The following SLC9A2 variants were observed in gnomAD, a reference collection of about 807,000 sequenced individuals.
The protein encoded by SLC9A2 is sodium/hydrogen exchanger 2.
Under a neutral mutation model 71.7 loss-of-function variants are expected in SLC9A2, and 42 were observed. The observed-to-expected ratio is 0.59, with a 90% CI of 0.46 to 0.76. SLC9A2 has a LOEUF of 0.76. SLC9A2 is among the 30% of genes least tolerant of loss of function. The pLI, the probability that SLC9A2 is intolerant of heterozygous loss-of-function variation, is 0.00. For synonymous variants in SLC9A2, 396 were observed against 392.5 expected, an observed-to-expected ratio of 1.01 and a Z score of -0.10; for missense variants, 829 against 1,017.4, an observed-to-expected ratio of 0.81 and a Z score of 2.52.
chr2:102,660,868 T>C (rs1677035470), intron 2 of SLC9A2, among the ~76,000 whole-genome samples: 1 of 152,194 alleles, frequency 6.6e-6, no homozygotes, highest in South Asian at 2.1e-4. Context: ...GAATAGAGGT[T>C]AATCGGAGAA....
intron 3 of SLC9A2, among the ~76,000 whole-genome samples, chr2:102,681,537 C>T (rs887041656): frequency 6.6e-6 from 1 of 152,222 alleles, no homozygotes; most frequent in African/African-American, 2.4e-5. Flanking sequence ...GTTTAACTGA[C>T]ATAATCCATT....
rs368881882 is a variant in SLC9A2 at position 102,708,371 on chromosome 2, G to T, written c.2321G>T (p.Gly774Val). ...CCCCTTCTCTCTAAAGACCAGTCTG[G>T]CTCAGAGAGGGAAGACAGTTTGACT... Reference protein sequence around the residue: ...QQPLLSKDQSGSEREDSLTEG... With the variant: ...QQPLLSKDQSVSEREDSLTEG... Residue 774 changes from glycine (G) to valine (V), a missense_variant, in exon 12 of 12, where the codon GGC (glycine) becomes GTC (valine). Coordinates refer to ENST00000233969, the MANE Select transcript of SLC9A2 (RefSeq NM_003048.6). 6.2e-7 allele frequency: 1 copy of T among 1,614,222 alleles called. No homozygotes were observed. Among genetic ancestry groups the T allele is most frequent in the Admixed American group, 1.7e-5 (1 of 60,030 alleles).
chr2:102,664,704 C>CTG (rs1297185874), intron 2 of SLC9A2, among the ~76,000 whole-genome samples: 1 of 152,066 alleles, frequency 6.6e-6, no homozygotes, highest in East Asian at 1.9e-4. Flanking sequence ...CACAGCAGCA[C>CTG]TGATAAGCTT....
At chr2:102,628,279 C>G (rs1676288426) in intron 1 of SLC9A2, among the ~76,000 whole-genome samples, 1 of 152,094 alleles carries the variant, frequency 6.6e-6, no homozygotes. Flanking sequence ...GTCTTTACTG[C>G]TGTTAAGTAG....
intron 5 of SLC9A2, among the ~76,000 whole-genome samples, chr2:102,693,758 TC>T (rs1677705212): frequency 6.6e-6 from 1 of 152,236 alleles, no homozygotes; most frequent in Non-Finnish European, 1.5e-5. Flanking sequence ...TTCGGAAGTA[TC>T]TGACTTTGTA....
intron 7 of SLC9A2, among the ~76,000 whole-genome samples, chr2:102,696,688 C>T (rs550530575): frequency 6.6e-6 from 1 of 152,234 alleles, no homozygotes; most frequent in South Asian, 2.1e-4. Flanking sequence ...CCTTTACAAG[C>T]TTTACAACAC....
intron 1 of SLC9A2, among the ~76,000 whole-genome samples, chr2:102,621,615 C>G (rs1341549960): frequency 2.0e-5 from 3 of 152,164 alleles, no homozygotes; most frequent in Non-Finnish European, 1.5e-5. Context: ...TACGTCTTTA[C>G]CCTGTGAGAT....
rs572843785 is a variant in SLC9A2, at chr2:102,647,660, A to G, written c.290-9904A>G. Among the ~76,000 whole-genome samples, 250 of 152,296 alleles carry G rather than the reference A, an allele frequency of 1.6e-3. 1 individual carries two copies. The highest frequency in any genetic ancestry group is 5.7e-3 in the African/African-American group (236 of 41,564). ...ACACAATAAAAAAAATAAAGGGAAT[A>G]TCACCACTGATCCCACAGAAATACA... On this transcript the variant is annotated intron_variant, in intron 1 of 11. Coordinates refer to ENST00000233969, the MANE Select transcript of SLC9A2 (RefSeq NM_003048.6).
chr2:102,669,040 G>A (rs1237950488), intron 3 of SLC9A2, among the ~76,000 whole-genome samples: 1 of 152,214 alleles, frequency 6.6e-6, no homozygotes, highest in African/African-American at 2.4e-5. Context: ...GTGCTGGACA[G>A]GATTTCAATA....
At chr2:102,634,264 G>C (rs570401145) in intron 1 of SLC9A2, among the ~76,000 whole-genome samples, 2 of 152,192 alleles carry the variant, frequency 1.3e-5, no homozygotes, top group East Asian at 3.9e-4. Context: ...TAATTGATTT[G>C]ATCACTGTAC....
chr2:102,639,058 C>A (rs1385575597), intron 1 of SLC9A2, among the ~76,000 whole-genome samples: 1 of 152,156 alleles, frequency 6.6e-6, no homozygotes, highest in East Asian at 1.9e-4. Flanking sequence ...CTGGTGTGCA[C>A]CTGTAGTCCT....
chr2:102,707,171 T>C (rs1677995813), intron 11 of SLC9A2, among the ~76,000 whole-genome samples: 2 of 152,262 alleles, frequency 1.3e-5, no homozygotes, highest in Admixed American at 1.3e-4. Flanking sequence ...ACTTGGGTGA[T>C]GGGATTATTA....
intron 7 of SLC9A2, among the ~76,000 whole-genome samples, chr2:102,696,211 A>G (rs964246406): frequency 2.6e-5 from 4 of 152,104 alleles, no homozygotes; most frequent in Non-Finnish European, 5.9e-5. Context: ...CAAATGCTAC[A>G]AATCAAGGCC....
intron 1 of SLC9A2, among the ~76,000 whole-genome samples, chr2:102,634,870 C>T (rs768619320): frequency 6.6e-6 from 1 of 152,112 alleles, no homozygotes; most frequent in African/African-American, 2.4e-5. Flanking sequence ...GGTTCACAGT[C>T]AGCTGAGACT....
chr2:102,651,805 T>C (rs867553225), intron 1 of SLC9A2, among the ~76,000 whole-genome samples: 2 of 152,214 alleles, frequency 1.3e-5, no homozygotes, highest in Admixed American at 1.3e-4. Flanking sequence ...ACAAAAATGA[T>C]TGAATGAGGT....
intron 5 of SLC9A2, 121 bp downstream of exon 5, chr2:102,684,457 A>G: frequency 1.1e-6 from 1 of 910,850 alleles, no homozygotes; most frequent in Non-Finnish European, 1.8e-6. Flanking sequence ...TACTAGGGAA[A>G]ATGATATTTC....
intron 5 of SLC9A2, among the ~76,000 whole-genome samples, chr2:102,691,810 T>C (rs769810255): frequency 1.3e-5 from 2 of 152,160 alleles, no homozygotes; most frequent in South Asian, 2.1e-4. Flanking sequence ...CGCATTCACT[T>C]CTAGATCATC....
intron 1 of SLC9A2, among the ~76,000 whole-genome samples, chr2:102,645,546 G>T (rs948199472): frequency 6.6e-6 from 1 of 152,046 alleles, no homozygotes; most frequent in African/African-American, 2.4e-5. Flanking sequence ...AGGAAGCTAA[G>T]AGCCTTGATA....
chr2:102,669,322 G>C (rs1299034994), intron 3 of SLC9A2, among the ~76,000 whole-genome samples: 1 of 152,032 alleles, frequency 6.6e-6, no homozygotes, highest in Non-Finnish European at 1.5e-5. Context: ...ATGTTTTATT[G>C]TATATTCAGA....
Sources: gnomAD v4.1 joint callset for allele counts (sites outside exome capture counted in the v4.1 genomes callset) on GRCh38, gnomAD v4.1.1 for gene constraint, MANE v1.5 for transcripts, NCBI Gene and HGNC (gene_info 2026-07-23, HGNC 2026-07-21) for gene names.